Variants in KLHL1 observed in about 807,000 individuals in gnomAD.
The protein encoded by KLHL1 is kelch like family member 1.
A neutral mutation model predicts 77.7 loss-of-function variants in KLHL1; 47 were observed. That is an observed-to-expected ratio of 0.60 (90% CI 0.48 to 0.77). The LOEUF is 0.77. Among genes scored for constraint, KLHL1 ranks in the 30% least tolerant of loss-of-function variants. The probability of loss-of-function intolerance (pLI) is 0.00; values close to 1 mark genes in which losing one functional copy is unlikely to be tolerated. For missense variants in KLHL1, 925 were observed against 910.8 expected, an observed-to-expected ratio of 1.02 and a Z score of -0.20; for synonymous variants, 360 against 325.2, an observed-to-expected ratio of 1.11 and a Z score of -1.15.
rs1276099406 is a variant in KLHL1, at chr13:69,852,537, T to C, written c.1228-13375A>G. ...TTTAACTAAAACCTTTTAATTTGAC[T>C]CACACTAATTAGAAGGTATCAGTCA... On this transcript the variant is annotated intron_variant, in intron 5 of 10. Transcript: ENST00000377844. Among the ~76,000 whole-genome samples, 13 of 151,998 alleles carry C rather than the reference T, an allele frequency of 8.6e-5. No homozygotes were observed. The Admixed American group carries it at 8.6e-4, about 10-fold the overall frequency.
At chr13:69,942,406 G>A (rs867343156) in intron 3 of KLHL1, among the ~76,000 whole-genome samples, 3 of 151,920 alleles carry the variant, frequency 2.0e-5, no homozygotes, top group Non-Finnish European at 4.4e-5. Context: ...TTGCCAGTTT[G>A]TGTATATTTT....
At chr13:69,875,217 G>T (rs1880721794) in intron 5 of KLHL1, among the ~76,000 whole-genome samples, 7 of 151,962 alleles carry the variant, frequency 4.6e-5, no homozygotes, top group Admixed American at 4.6e-4. Context: ...AAGAGAGAAT[G>T]ATGGTTAAGT....
intron 5 of KLHL1, among the ~76,000 whole-genome samples, chr13:69,881,351 TTC>T (rs1056715800): frequency 1.3e-5 from 2 of 152,178 alleles, no homozygotes; most frequent in African/African-American, 4.8e-5. Flanking sequence ...AATGTCCTAA[TTC>T]TCTGTTTTAT....
At chr13:69,956,046 TTGA>T (rs1369511353) in intron 3 of KLHL1, among the ~76,000 whole-genome samples, 1 of 124,052 alleles carries the variant, frequency 8.1e-6, no homozygotes, top group East Asian at 2.8e-4. Context: ...TTATATATAT[TTGA>T]TATATATATT....
intron 8 of KLHL1, 127 bp downstream of exon 8, chr13:69,740,267 T>A (rs1873931078): frequency 1.4e-6 from 1 of 692,008 alleles, no homozygotes. Context: ...TTTGTCAATT[T>A]AAAAATATCA....
chr13:69,972,431 C>T (rs1884411664), intron 2 of KLHL1, among the ~76,000 whole-genome samples: 1 of 151,860 alleles, frequency 6.6e-6, no homozygotes, highest in Admixed American at 6.6e-5. Flanking sequence ...ACTTTTCTAT[C>T]TATCAAATAT....
chr13:69,927,165 G>A (rs2138274652), intron 4 of KLHL1, among the ~76,000 whole-genome samples: 1 of 152,110 alleles, frequency 6.6e-6, no homozygotes, highest in Admixed American at 6.5e-5. Flanking sequence ...TTTTCAACAT[G>A]TGCTGTTACA....
intron 8 of KLHL1, among the ~76,000 whole-genome samples, chr13:69,720,432 C>CAA (rs1872992845): frequency 6.6e-6 from 1 of 152,004 alleles, no homozygotes; most frequent in African/African-American, 2.4e-5. Context: ...ATTGTTAAAA[C>CAA]TTTTATTGAT....
At chr13:70,048,101 C>A (rs888337928) in intron 1 of KLHL1, among the ~76,000 whole-genome samples, 1 of 152,138 alleles carries the variant, frequency 6.6e-6, no homozygotes, top group East Asian at 1.9e-4. Flanking sequence ...GACATGCTGT[C>A]TGAAGGAAAA....
intron 4 of KLHL1, among the ~76,000 whole-genome samples, chr13:69,911,543 C>G (rs901182584): frequency 2.1e-5 from 3 of 143,860 alleles, no homozygotes; most frequent in African/African-American, 5.2e-5. Flanking sequence ...ATCTTGGCTG[C>G]AGCTAGGTAT....
At chr13:69,908,875 T>C (rs1391857861) in intron 4 of KLHL1, among the ~76,000 whole-genome samples, 2 of 150,710 alleles carry the variant, frequency 1.3e-5, no homozygotes, top group Non-Finnish European at 3.0e-5. Flanking sequence ...GTTAAAAGAG[T>C]GTTTTTCCTT....
intron 1 of KLHL1, among the ~76,000 whole-genome samples, chr13:70,033,999 A>T (rs115753526): frequency 0.027 from 4,141 of 152,210 alleles, 90 homozygotes; most frequent in African/African-American, 0.055. Context: ...TCTACTCAGA[A>T]ATATCCCATG....
At position 70,102,336 on chromosome 13, in the gene KLHL1, ATTGT is replaced by A. The variant is rs555537854; in HGVS notation, c.497+4863_497+4866del. Among the ~76,000 whole-genome samples, 357 of 152,272 alleles carry A rather than the reference ATTGT, an allele frequency of 2.3e-3. 1 individual carries two copies. The highest frequency in any genetic ancestry group is 3.8e-3 in the Non-Finnish European group (260 of 68,008). On this transcript the variant is annotated intron_variant, in intron 1 of 10. Transcript: ENST00000377844. ...TTCCATTTCTAGGTTATATTTGCAT[ATTGT>A]TTATTAATTATAAAATAAAATACAC...
chr13:70,055,906 A>G (rs1041468156), intron 1 of KLHL1, among the ~76,000 whole-genome samples: 23 of 152,080 alleles, frequency 1.5e-4, no homozygotes, highest in African/African-American at 5.5e-4. Context: ...AGAAAGGGGG[A>G]AAAAAGACCA....
At chr13:70,074,203 T>G (rs1217573903) in intron 1 of KLHL1, among the ~76,000 whole-genome samples, 1 of 152,112 alleles carries the variant, frequency 6.6e-6, no homozygotes, top group Non-Finnish European at 1.5e-5. Flanking sequence ...TTGGCCATAG[T>G]GGGCCCATTA....
intron 8 of KLHL1, among the ~76,000 whole-genome samples, chr13:69,727,981 T>C (rs1305934803): frequency 6.6e-6 from 1 of 152,120 alleles, no homozygotes; most frequent in Non-Finnish European, 1.5e-5. Context: ...TTTTTCTTTC[T>C]TATTGGAATG....
chr13:69,825,434 T>C (rs555345422), intron 6 of KLHL1, among the ~76,000 whole-genome samples: 13 of 152,216 alleles, frequency 8.5e-5, no homozygotes, highest in African/African-American at 3.1e-4. Flanking sequence ...AACCTGCCAG[T>C]TAAATTAGGT....
chr13:69,941,300 C>A (rs115074845), intron 3 of KLHL1, among the ~76,000 whole-genome samples: 1,560 of 152,046 alleles, frequency 0.01, 25 homozygotes, highest in African/African-American at 0.035. Flanking sequence ...AAAAGGAAAC[C>A]TCAAAACTAT....
intron 1 of KLHL1, among the ~76,000 whole-genome samples, chr13:70,045,977 A>G (rs902235805): frequency 1.3e-5 from 2 of 152,204 alleles, no homozygotes; most frequent in Non-Finnish European, 2.9e-5. Flanking sequence ...TGATTTCATT[A>G]AACAACTATA....
Sources: allele counts gnomAD v4.1 joint callset (sites outside exome capture counted in the v4.1 genomes callset), GRCh38; gene constraint gnomAD v4.1.1; transcripts MANE v1.5; gene names NCBI Gene and HGNC (gene_info 2026-07-23, HGNC 2026-07-21).